NRG1: variants seen among roughly 807,000 people sequenced by gnomAD.
NRG1 encodes pro-neuregulin-1, membrane-bound isoform.
Under a neutral mutation model 63.8 loss-of-function variants are expected in NRG1, and 18 were observed. The observed-to-expected ratio is 0.28, with a 90% CI of 0.19 to 0.42. The LOEUF is 0.42. Among genes scored for constraint, NRG1 ranks in the 10% least tolerant of loss-of-function variants. NRG1 has a pLI of 1.00. For synonymous variants in NRG1, 302 were observed against 301.3 expected, an observed-to-expected ratio of 1.00 and a Z score of -0.02; for missense variants, 762 against 814.7, an observed-to-expected ratio of 0.94 and a Z score of 0.79.
intron 5 of NRG1, chr8:32,648,453 G>A (rs1854197179): frequency 1.3e-6 from 2 of 1,534,230 alleles, no homozygotes; most frequent in Non-Finnish European, 1.8e-6. Flanking sequence ...GTCCCCAAAG[G>A]ACATTTCCCT....
chr8:32,108,733 A>G (rs1831605480), intron 1 of NRG1, among the ~76,000 whole-genome samples: 1 of 152,058 alleles, frequency 6.6e-6, no homozygotes, highest in African/African-American at 2.4e-5. Context: ...ACCATTGCTG[A>G]CTTTGAAGAA....
At chr8:32,309,919 T>C (rs1266594563) in intron 1 of NRG1, among the ~76,000 whole-genome samples, 1 of 152,246 alleles carries the variant, frequency 6.6e-6, no homozygotes, top group Non-Finnish European at 1.5e-5. Context: ...AAGTCCACCC[T>C]AGTTCTGTCC....
At chr8:32,249,000 T>G (rs1363544628) in intron 1 of NRG1, among the ~76,000 whole-genome samples, 1 of 152,114 alleles carries the variant, frequency 6.6e-6, no homozygotes, top group Non-Finnish European at 1.5e-5. Context: ...GTAAAAGTGT[T>G]TAAGGCTCAA....
chr8:31,777,653 A>G (rs1586338771), intron 1 of NRG1, among the ~76,000 whole-genome samples: 1 of 152,232 alleles, frequency 6.6e-6, no homozygotes, highest in East Asian at 1.9e-4. Flanking sequence ...CAGGCTATAC[A>G]AGAAGCGTGG....
intron 5 of NRG1, among the ~76,000 whole-genome samples, chr8:32,628,610 C>T (rs1181008730): frequency 6.6e-6 from 1 of 151,840 alleles, no homozygotes; most frequent in African/African-American, 2.4e-5. Context: ...AATGATTTTA[C>T]AGTGCCTGTA....
chr8:32,325,484 C>A (rs1182388787), intron 1 of NRG1, among the ~76,000 whole-genome samples: 3 of 152,174 alleles, frequency 2.0e-5, no homozygotes, highest in African/African-American at 7.2e-5. Flanking sequence ...CAGGCTCAGG[C>A]CTTTCCCACC....
At chr8:32,257,218 G>T (rs113355171) in intron 1 of NRG1, among the ~76,000 whole-genome samples, 17,791 of 152,080 alleles carry the variant, frequency 0.12, 1,143 homozygotes, top group East Asian at 0.28. Flanking sequence ...TAGCCTGCTG[G>T]GCTCCATGTG....
At chr8:32,560,030 A>T (rs1836075096) in intron 1 of NRG1, among the ~76,000 whole-genome samples, 1 of 152,136 alleles carries the variant, frequency 6.6e-6, no homozygotes, top group Non-Finnish European at 1.5e-5. Context: ...ATAAAATAAA[A>T]TAAGATATAA....
At chr8:32,214,661 AAG>A (rs10572464) in intron 1 of NRG1, among the ~76,000 whole-genome samples, 120,647 of 150,914 alleles carry the variant, frequency 0.8, 48,940 homozygotes, top group African/African-American at 0.92. Flanking sequence ...GAGAAAAAGA[AAG>A]AGAGAGAGAG....
At chr8:32,433,148 C>T (rs1223210247) in intron 1 of NRG1, among the ~76,000 whole-genome samples, 3 of 152,100 alleles carry the variant, frequency 2.0e-5, no homozygotes, top group Admixed American at 6.6e-5. Flanking sequence ...CTGGGTAGGA[C>T]ATACTGGGGC....
chr8:32,183,190 G>C (rs767788639), intron 1 of NRG1, among the ~76,000 whole-genome samples: 6 of 152,118 alleles, frequency 3.9e-5, no homozygotes, highest in Non-Finnish European at 8.8e-5. Flanking sequence ...CTTGTAGAAC[G>C]TGCGTTCTAA....
intron 1 of NRG1, among the ~76,000 whole-genome samples, chr8:32,352,807 GT>G (rs1805780548): frequency 1.3e-5 from 2 of 151,964 alleles, no homozygotes; most frequent in African/African-American, 2.4e-5. Context: ...GAGCACAGGA[GT>G]TTGCAACTGC....
chr8:31,765,881 A>G (rs1360978584), intron 1 of NRG1, among the ~76,000 whole-genome samples: 1 of 152,166 alleles, frequency 6.6e-6, no homozygotes, highest in Non-Finnish European at 1.5e-5. Context: ...AAATAGAAGA[A>G]AAATAGCTGC....
chr8:32,444,975 T>C (rs990457644), intron 1 of NRG1, among the ~76,000 whole-genome samples: 2 of 152,192 alleles, frequency 1.3e-5, no homozygotes, highest in African/African-American at 2.4e-5. Flanking sequence ...CCCTTACATG[T>C]AGTGGTGATT....
chr8:32,488,111 T>C (rs185729558), intron 1 of NRG1, among the ~76,000 whole-genome samples: 1 of 152,326 alleles, frequency 6.6e-6, no homozygotes, highest in Non-Finnish European at 1.5e-5. Flanking sequence ...TGATTTTTTG[T>C]TTTGTTTGGT....
chr8:32,437,922 A>G (rs1730878541), intron 1 of NRG1, among the ~76,000 whole-genome samples: 1 of 152,214 alleles, frequency 6.6e-6, no homozygotes, highest in Non-Finnish European at 1.5e-5. Context: ...TGTGGAAACC[A>G]TAACTTAATA....
At chr8:32,490,353 C>G (rs751508242) in intron 1 of NRG1, among the ~76,000 whole-genome samples, 17 of 151,474 alleles carry the variant, frequency 1.1e-4, no homozygotes, top group Non-Finnish European at 2.2e-4. Flanking sequence ...GAATCAGAAG[C>G]CTGGGGGTGT....
intron 1 of NRG1, among the ~76,000 whole-genome samples, chr8:31,955,402 A>G (rs2129624313): frequency 1.3e-5 from 2 of 152,332 alleles, no homozygotes; most frequent in South Asian, 4.1e-4. Flanking sequence ...AGAAAAGTGA[A>G]TGTACAGTTT....
At chr8:32,519,260 C>G (rs1830110390) in intron 1 of NRG1, among the ~76,000 whole-genome samples, 1 of 151,980 alleles carries the variant, frequency 6.6e-6, no homozygotes. Context: ...TTTGTTAAAA[C>G]AAAAAGAAAT....
Sources: allele counts gnomAD v4.1 joint callset (sites outside exome capture counted in the v4.1 genomes callset), GRCh38; gene constraint gnomAD v4.1.1; transcripts MANE v1.5; gene names NCBI Gene and HGNC (gene_info 2026-07-23, HGNC 2026-07-21).